PKP1: variants seen among roughly 807,000 people sequenced by gnomAD.
PKP1 encodes plakophilin 1, also known as plakophilin-1.
A neutral mutation model predicts 76.4 loss-of-function variants in PKP1; 27 were observed. That is an observed-to-expected ratio of 0.35 (90% CI 0.26 to 0.49). PKP1 has a LOEUF of 0.49. Among genes scored for constraint, PKP1 ranks in the 20% least tolerant of loss-of-function variants. PKP1 has a pLI of 0.99. For missense variants in PKP1, 964 were observed against 955.2 expected (o/e 1.01, Z -0.12); for synonymous variants, 404 against 384.2 (o/e 1.05, Z -0.60).
At chr1:201,325,862 C>T (rs1479511431) in intron 12 of PKP1, 24 bp downstream of exon 12, 4 of 1,567,450 alleles carry the variant, frequency 2.6e-6, no homozygotes, top group Non-Finnish European at 1.8e-6. Context: ...ACATCATCCT[C>T]TTCTGAGGTT....
Position 201,331,783 on chromosome 1 carries a change from GCT to G in PKP1, c.*1743_*1744del, listed in dbSNP as rs1231294504. On this transcript the variant is annotated 3_prime_UTR_variant, in exon 14 of 14. Transcript: ENST00000367324. The stretch of plus-strand genomic sequence containing the variant: ...GAGAGGTGTCCCCGGCTGTTAGCCA[GCT>G]GTGCTGTGGTGCTGTGGGTCTGTCA... 1.3e-5 allele frequency: 2 copies of G among 152,312 alleles called. No homozygotes were observed. Among genetic ancestry groups the G allele is most frequent in the Non-Finnish European group, 2.9e-5 (2 of 68,136 alleles). 9.4% of individuals were successfully genotyped at this position (152,312 alleles called of 1,614,324 possible).
chr1:201,293,094 G>C (rs1264512157), intron 1 of PKP1, among the ~76,000 whole-genome samples: 1 of 152,202 alleles, frequency 6.6e-6, no homozygotes, highest in Non-Finnish European at 1.5e-5. Flanking sequence ...GGAGATGTGA[G>C]TAAAGTGGTG....
At chr1:201,314,052 G>A (rs1427873886) in intron 3 of PKP1, among the ~76,000 whole-genome samples, 1 of 152,220 alleles carries the variant, frequency 6.6e-6, no homozygotes, top group Non-Finnish European at 1.5e-5. Flanking sequence ...TGTTCTGAAA[G>A]AGCAAAGGAA....
At chr1:201,319,741 C>T (rs1413372931) in intron 6 of PKP1, 2 of 1,476,302 alleles carry the variant, frequency 1.4e-6, no homozygotes, top group East Asian at 2.3e-5. Context: ...GGAGAGGGAG[C>T]TTCTGGTGCC....
At chr1:201,287,211 G>A (rs959686425) in intron 1 of PKP1, among the ~76,000 whole-genome samples, 2 of 152,156 alleles carry the variant, frequency 1.3e-5, no homozygotes, top group African/African-American at 4.8e-5. Flanking sequence ...CTGATCAGAG[G>A]TAGGGGCTGG....
intron 3 of PKP1, 77 bp downstream of exon 3, chr1:201,313,637 A>C: frequency 6.9e-7 from 1 of 1,457,848 alleles, no homozygotes; most frequent in Non-Finnish European, 9.4e-7. Context: ...TGCACCCTGC[A>C]AAGGGCTCCT....
intron 2 of PKP1, among the ~76,000 whole-genome samples, chr1:201,307,976 G>A (rs1656419489): frequency 2.0e-5 from 3 of 152,270 alleles, no homozygotes; most frequent in South Asian, 4.2e-4. Flanking sequence ...CGGTTTGGCC[G>A]GCCCCACCCT....
intron 1 of PKP1, among the ~76,000 whole-genome samples, chr1:201,289,365 T>G (rs1655833039): frequency 6.6e-6 from 1 of 152,228 alleles, no homozygotes; most frequent in Admixed American, 6.5e-5. Context: ...CTTTTCATGC[T>G]GAAGGACAGG....
intron 2 of PKP1, among the ~76,000 whole-genome samples, chr1:201,298,246 C>T (rs534931684): frequency 2.0e-5 from 3 of 152,132 alleles, no homozygotes; most frequent in African/African-American, 4.8e-5. Flanking sequence ...GACGAGGATG[C>T]GGGGAATAGA....
chr1:201,302,999 T>C (rs1656281247), intron 2 of PKP1, among the ~76,000 whole-genome samples: 2 of 152,368 alleles, frequency 1.3e-5, no homozygotes, highest in Admixed American at 1.3e-4. Context: ...CATGGTCTCC[T>C]GACTCCTGGC....
At chr1:201,301,323 G>A (rs1246421222) in intron 2 of PKP1, among the ~76,000 whole-genome samples, 4 of 152,288 alleles carry the variant, frequency 2.6e-5, no homozygotes, top group Non-Finnish European at 4.4e-5. Flanking sequence ...GATCAGCAGC[G>A]GATCCTTCTC....
chr1:201,321,913 G>A (rs536158177), intron 7 of PKP1, 65 bp from the exon 8 acceptor site: 2 of 1,587,384 alleles, frequency 1.3e-6, no homozygotes, highest in Non-Finnish European at 8.6e-7. Flanking sequence ...GCTAGGGTAG[G>A]TGGTAGGCCA....
intron 2 of PKP1, among the ~76,000 whole-genome samples, chr1:201,309,335 G>C (rs1656464974): frequency 6.6e-6 from 1 of 151,992 alleles, no homozygotes; most frequent in Non-Finnish European, 1.5e-5. Flanking sequence ...GACTGGCTGG[G>C]GGGCTCCTAG....
chr1:201,307,431 T>G (rs1656404026), intron 2 of PKP1, among the ~76,000 whole-genome samples: 1 of 152,204 alleles, frequency 6.6e-6, no homozygotes, highest in Admixed American at 6.5e-5. Context: ...GACTCAGGCC[T>G]CAGTGGTTCC....
In PKP1 at chr1:201,314,460, T is replaced by TCAAA. The variant is rs1036067953; in HGVS notation, c.701+916_701+919dup. 4.7e-4 allele frequency among the ~76,000 whole-genome samples: 72 copies of TCAAA among 152,166 alleles called. No homozygotes were observed. The East Asian group carries it at 5.4e-3, about 11-fold the overall frequency. ...CTGGGCAACAGAGTGAGACCCTGTC[T>TCAAA]CAAACAAACAAACAAACAACAACAA... On this transcript the variant is annotated intron_variant, in intron 3 of 13. Coordinates refer to ENST00000367324, the MANE Select transcript of PKP1 (RefSeq NM_001005337.3).
At chr1:201,320,005 C>T (rs1656887792) in intron 6 of PKP1, 2 of 1,034,288 alleles carry the variant, frequency 1.9e-6, no homozygotes, top group South Asian at 2.5e-5. Context: ...CAGCCTCAGC[C>T]AGGGCCAGGC....
intron 13 of PKP1, 89 bp from the exon 14 acceptor site, chr1:201,329,985 T>C (rs6700827): frequency 0.64 from 97,516 of 152,078 alleles, 35,259 homozygotes; most frequent in East Asian, 0.87. Flanking sequence ...TGAGGGCCGA[T>C]GTGAGAAGAG....
At position 201,293,978 on chromosome 1, in the gene PKP1, A is replaced by G; in HGVS notation, c.239A>G (p.Tyr80Cys). ...GATGGCTTGGCTGACAATTACAACTATGGGACCACCAGCAGGAGCAGCTAC... is the reference window on the plus strand; with the variant it reads ...GATGGCTTGGCTGACAATTACAACTGTGGGACCACCAGCAGGAGCAGCTAC... ...MYDGLADNYN[Y>C]GTTSRSSYYS... The change falls in exon 2 of 14, where the codon TAT becomes TGT. Residue 80 changes from tyrosine to cysteine, a missense_variant. By Grantham distance (194) the Tyr-to-Cys change is radical. Transcript: ENST00000367324. The G allele has an allele frequency of 6.2e-7, 1 of 1,613,744 alleles. No homozygotes were observed.
chr1:201,323,304 CAG>C (rs1657006144), intron 9 of PKP1, 115 bp downstream of exon 9: 1 of 954,908 alleles, frequency 1.0e-6, no homozygotes, highest in African/African-American at 1.6e-5. Flanking sequence ...CTCCCATGAG[CAG>C]AGTGTGCCTG....
Sources: allele counts gnomAD v4.1 joint callset (sites outside exome capture counted in the v4.1 genomes callset), GRCh38; gene constraint gnomAD v4.1.1; transcripts MANE v1.5; gene names NCBI Gene and HGNC (gene_info 2026-07-23, HGNC 2026-07-21).